Variants in GPHN observed in about 807,000 individuals in gnomAD.
GPHN encodes gephyrin.
Under a neutral mutation model 95.5 loss-of-function variants are expected in GPHN, and 17 were observed. That is an observed-to-expected ratio of 0.18 (90% confidence interval 0.12 to 0.27). The LOEUF is 0.27. GPHN is among the 10% of genes least tolerant of loss of function. GPHN has a pLI of 1.00. For synonymous variants in GPHN, 320 were observed against 322.5 expected (o/e 0.99, Z 0.08); for missense variants, 660 against 978.1 (o/e 0.67, Z 4.34).
At position 67,142,212 on chromosome 14, in the gene GPHN, T is replaced by C. The variant is rs750417295; in HGVS notation, c.1749-1150T>C. On this transcript the variant is annotated intron_variant, in intron 17 of 22. Transcript: ENST00000478722. ...CAGACAACAAGAGTATGGCTAGATA[T>C]ATACTCCTCAAAAAGTATATTTTCT... Among the ~76,000 whole-genome samples the C allele has an allele frequency of 2.0e-5, 3 of 152,202 alleles. No homozygotes were observed. The East Asian group carries it at 5.8e-4, about 29-fold the overall frequency.
At chr14:67,092,341 C>A (rs1047113865) in intron 12 of GPHN, among the ~76,000 whole-genome samples, 7 of 151,924 alleles carry the variant, frequency 4.6e-5, no homozygotes, top group African/African-American at 1.7e-4. Flanking sequence ...TGGCTAAGAC[C>A]CTCCTTTGAG....
At chr14:67,721,717 T>C in the GPHN span, among the ~76,000 whole-genome samples, 1 of 142,226 alleles carries the variant, frequency 7.0e-6, no homozygotes, top group Admixed American at 7.5e-5. Flanking sequence ...ATGTAATAAT[T>C]GAACACTTAG....
rs147893421 is a variant in GPHN, at chr14:67,158,570, C to T, written c.1837-845C>T. Among the ~76,000 whole-genome samples, 92 of 152,246 alleles carry T rather than the reference C, an allele frequency of 6.0e-4. 3 individuals carry two copies. The highest frequency in any genetic ancestry group is 2.1e-3 in the African/African-American group (89 of 41,558). ...GTTTGTGAAATATTTAAAATGTAGA[C>T]AGGTTACTGGACTCATTTTTAGATT... On this transcript the variant is annotated intron_variant, in intron 18 of 22. Transcript: ENST00000478722.
chr14:67,017,525 A>G (rs1032164261), intron 9 of GPHN, among the ~76,000 whole-genome samples: 3 of 152,114 alleles, frequency 2.0e-5, no homozygotes, highest in Non-Finnish European at 4.4e-5. Context: ...ACTCTTAAAT[A>G]AGTTTAATAA....
At chr14:67,125,684 G>A (rs1157643547) in intron 17 of GPHN, among the ~76,000 whole-genome samples, 1 of 152,092 alleles carries the variant, frequency 6.6e-6, no homozygotes, top group African/African-American at 2.4e-5. Flanking sequence ...GGCTGAGGCA[G>A]GGGAATCGCT....
chr14:66,650,396 A>C (rs746685259), intron 1 of GPHN, among the ~76,000 whole-genome samples: 9 of 152,326 alleles, frequency 5.9e-5, no homozygotes, highest in Middle Eastern at 6.8e-3. Flanking sequence ...CTTAGTGGCT[A>C]ACCACATTGC....
chr14:67,200,231 C>G, the GPHN span: 1 of 994,384 alleles, frequency 1.0e-6, no homozygotes, highest in Admixed American at 3.1e-5. Context: ...CTCCACAACC[C>G]ACACCCTATG....
chr14:67,688,164 T>C, the GPHN span, among the ~76,000 whole-genome samples: 1 of 152,178 alleles, frequency 6.6e-6, no homozygotes, highest in Non-Finnish European at 1.5e-5. Context: ...CAGGAAAGTC[T>C]TCCCTGAACC....
the GPHN span, chr14:67,381,558 A>T: frequency 1.9e-6 from 3 of 1,563,796 alleles, no homozygotes; most frequent in Admixed American, 3.4e-5. Context: ...TATTTTTTGC[A>T]TTTTTTATCA....
intron 1 of GPHN, among the ~76,000 whole-genome samples, chr14:66,626,816 G>A (rs2063545721): frequency 1.3e-5 from 2 of 152,048 alleles, no homozygotes; most frequent in African/African-American, 4.8e-5. Flanking sequence ...TTGGATTCAT[G>A]TCTACTGGAG....
chr14:67,607,355 C>CTTTG, the GPHN span, among the ~76,000 whole-genome samples: 16 of 152,028 alleles, frequency 1.1e-4, no homozygotes, highest in Non-Finnish European at 2.1e-4. Flanking sequence ...TGAACATGAG[C>CTTTG]TTTGTTTGTT....
chr14:67,461,788 A>G, the GPHN span, among the ~76,000 whole-genome samples: 1 of 152,272 alleles, frequency 6.6e-6, no homozygotes, highest in Non-Finnish European at 1.5e-5. Context: ...AGCAAATCTG[A>G]GATCCTGGGA....
intron 1 of GPHN, among the ~76,000 whole-genome samples, chr14:66,643,684 A>G (rs1056987837): frequency 6.6e-6 from 1 of 151,830 alleles, no homozygotes. Context: ...AAATTAATAT[A>G]TAGTGTTAGA....
chr14:67,076,335 A>C (rs2076492324), intron 11 of GPHN, among the ~76,000 whole-genome samples: 2 of 152,232 alleles, frequency 1.3e-5, no homozygotes, highest in African/African-American at 4.8e-5. Flanking sequence ...GCGTAAACAT[A>C]ACTCTTACAT....
chr14:67,121,809 G>A (rs2079023735), intron 16 of GPHN, among the ~76,000 whole-genome samples: 1 of 152,008 alleles, frequency 6.6e-6, no homozygotes, highest in Admixed American at 6.6e-5. Flanking sequence ...CTTCAGAAAA[G>A]AGACAAAAAA....
intron 4 of GPHN, among the ~76,000 whole-genome samples, chr14:66,844,756 C>G (rs1289750896): frequency 6.6e-6 from 1 of 151,938 alleles, no homozygotes; most frequent in Non-Finnish European, 1.5e-5. Flanking sequence ...CCATTTTAAC[C>G]AATTTTAAGT....
At chr14:66,584,868 G>C (rs1230153379) in intron 1 of GPHN, among the ~76,000 whole-genome samples, 1 of 152,080 alleles carries the variant, frequency 6.6e-6, no homozygotes, top group South Asian at 2.1e-4. Context: ...TTGTGTCTCT[G>C]CCCGGCTTTG....
intron 1 of GPHN, among the ~76,000 whole-genome samples, chr14:66,623,105 C>T (rs1222875166): frequency 6.6e-6 from 1 of 152,148 alleles, no homozygotes; most frequent in Non-Finnish European, 1.5e-5. Context: ...GGGGAGGCCT[C>T]ACAATCATGG....
At chr14:67,410,238 A>C in the GPHN span, among the ~76,000 whole-genome samples, 9 of 152,166 alleles carry the variant, frequency 5.9e-5, no homozygotes, top group South Asian at 1.0e-3. Flanking sequence ...GAATGATGGA[A>C]GGTAACCCCC....
Sources: allele counts gnomAD v4.1 joint callset (sites outside exome capture counted in the v4.1 genomes callset), GRCh38; gene constraint gnomAD v4.1.1; transcripts MANE v1.5; gene names NCBI Gene and HGNC (gene_info 2026-07-23, HGNC 2026-07-21).